The following LSM8 variants were observed in gnomAD, a reference collection of about 807,000 sequenced individuals.
LSM8 encodes LSM8 U6 small nuclear RNA associated.
In LSM8, 14 loss-of-function variants were observed where a neutral mutation model predicts 15.0. The observed-to-expected ratio is 0.93, with a 90% confidence interval of 0.62 to 1.46. LSM8 has a LOEUF of 1.46. LSM8 is among the 40% of genes most tolerant of loss of function. LSM8 has a pLI of 0.00. For synonymous variants in LSM8, 50 were observed against 42.1 expected (o/e 1.19, Z -0.73); for missense variants, 90 against 115.4 (o/e 0.78, Z 1.01).
At chr7:118,184,628 T>G (rs1808854480) in intron 1 of LSM8, 1 of 177,408 alleles carries the variant, frequency 5.6e-6, no homozygotes, top group Non-Finnish European at 1.2e-5. Flanking sequence ...TCTTTGTACT[T>G]GTTTTATTCA....
intron 1 of LSM8, chr7:118,184,492 C>T (rs1212813102): frequency 7.0e-6 from 3 of 425,698 alleles, no homozygotes; most frequent in East Asian, 3.8e-5. Flanking sequence ...TGTGATTATT[C>T]CGAACTTTTC....
At chr7:118,191,190 A>G (rs1391563451) in intron 3 of LSM8, 2 of 152,174 alleles carry the variant, frequency 1.3e-5, no homozygotes, top group Non-Finnish European at 2.9e-5. Context: ...TATTTCATAG[A>G]CATCTTGTGG....
chr7:118,186,726 T>C (rs1808895171), intron 2 of LSM8, among the ~76,000 whole-genome samples: 1 of 152,240 alleles, frequency 6.6e-6, no homozygotes, highest in South Asian at 2.1e-4. Context: ...TTAAATTTGG[T>C]TTGACATCAA....
In LSM8 at chr7:118,193,987, A is replaced by G. The variant is rs970104901; in HGVS notation, c.*1985A>G. Among the ~76,000 whole-genome samples, 1 of 152,112 alleles carries G rather than the reference A, an allele frequency of 6.6e-6. No individual in the cohort carries two copies. Among genetic ancestry groups the G allele is most frequent in the African/African-American group, 2.4e-5 (1 of 41,442 alleles). On this transcript the variant is annotated 3_prime_UTR_variant, in exon 4 of 4. Coordinates refer to ENST00000249299, the MANE Select transcript of LSM8 (RefSeq NM_016200.5). The stretch of plus-strand genomic sequence containing the variant: ...AAAATGTGAATTATTGTTTTTATGA[A>G]TAGTTACAGAGGATGTGATGACAAT...
rs182504156 is a variant in LSM8, at chr7:118,203,971, T to G, written c.*11969T>G. On this transcript the variant is annotated 3_prime_UTR_variant, in exon 4 of 4. Transcript: ENST00000249299. ...TCAGTTCTAACAATGATTTGTAAAT[T>G]TTAATACTATAGATATATTGCTGTT... 1.1e-4 allele frequency among the ~76,000 whole-genome samples: 16 copies of G among 151,894 alleles called. No homozygotes were observed. In the East Asian group the frequency reaches 3.1e-3, roughly 29 times the overall value.
At chr7:118,185,720 T>C in intron 2 of LSM8, 26 bp downstream of exon 2, 1 of 1,597,296 alleles carries the variant, frequency 6.3e-7, no homozygotes, top group Non-Finnish European at 8.6e-7. Context: ...TTTCATTCTC[T>C]GCTTTCCTGT....
intron 1 of LSM8, chr7:118,184,775 A>G (rs1808856947): frequency 6.6e-6 from 1 of 152,350 alleles, no homozygotes; most frequent in African/African-American, 2.4e-5. Context: ...TATAGTGAGG[A>G]GCAAGTAACA....
Position 118,195,871 on chromosome 7 carries a change from C to G in LSM8, c.*3869C>G, listed in dbSNP as rs1024322616. 6.6e-6 allele frequency among the ~76,000 whole-genome samples: 1 copy of G among 151,920 alleles called. No homozygotes were observed. The highest frequency in any genetic ancestry group is 2.4e-5 in the African/African-American group (1 of 41,346). On this transcript the variant is annotated 3_prime_UTR_variant, in exon 4 of 4. Transcript: ENST00000249299. ...AAGCTATCTCCATTTAGATTGATAC[C>G]CATTAAATAGCATAGTGCTCCCATT...
intron 3 of LSM8, chr7:118,190,892 G>A (rs973116015): frequency 2.0e-5 from 3 of 152,128 alleles, no homozygotes; most frequent in African/African-American, 7.2e-5. Flanking sequence ...ATTACCAGAG[G>A]TCAGAGGTTC....
At chr7:118,185,589 C>T (rs1230361960) in intron 1 of LSM8, 65 bp from the exon 2 acceptor site, 4 of 1,372,616 alleles carry the variant, frequency 2.9e-6, no homozygotes, top group Admixed American at 1.7e-5. Context: ...TCAAATCATT[C>T]CCTTGCCAGA....
chr7:118,189,581 T>A (rs980664509), intron 3 of LSM8: 2 of 151,664 alleles, frequency 1.3e-5, no homozygotes. Flanking sequence ...CTAATGTGGT[T>A]CACGTGCCGT....
chr7:118,187,597 T>G (rs1036882612), intron 2 of LSM8, among the ~76,000 whole-genome samples: 2 of 152,252 alleles, frequency 1.3e-5, no homozygotes, highest in African/African-American at 4.8e-5. Flanking sequence ...GATTTGAATC[T>G]GAAAAATGGC....
chr7:118,197,235 C>T lies in LSM8; in HGVS notation c.*5233C>T, dbSNP rs937491422. Among the ~76,000 whole-genome samples the T allele has an allele frequency of 1.3e-5, 2 of 150,286 alleles. No homozygotes were observed. The highest frequency in any genetic ancestry group is 2.9e-5 in the Non-Finnish European group (2 of 67,814). On this transcript the variant is annotated 3_prime_UTR_variant, in exon 4 of 4. Coordinates refer to ENST00000249299, the MANE Select transcript of LSM8 (RefSeq NM_016200.5). ...CCACATATACTGGCTTTACAAATGC[C>T]ATATAATTAGTATGGTACCAAATTG...
chr7:118,191,744 T>G (rs530103712), intron 3 of LSM8, 168 bp from the exon 4 acceptor site: 1 of 562,040 alleles, frequency 1.8e-6, no homozygotes, highest in African/African-American at 1.9e-5. Context: ...TGCAGTTCAC[T>G]GACTCACGCC....
rs1326217277 is a variant in LSM8 at position 118,198,781 on chromosome 7, C to G, written c.*6779C>G. ...TTTTATTGCAAAGAAAGGACCTGTCCTTCACCAGTTCCTGGAAGAAAATCT... is the reference window on the plus strand; with the variant it reads ...TTTTATTGCAAAGAAAGGACCTGTCGTTCACCAGTTCCTGGAAGAAAATCT... On this transcript the variant is annotated 3_prime_UTR_variant, in exon 4 of 4. Coordinates refer to ENST00000249299, the MANE Select transcript of LSM8 (RefSeq NM_016200.5). Among the ~76,000 whole-genome samples, 1 of 152,182 alleles carries G rather than the reference C, an allele frequency of 6.6e-6. No individual in the cohort carries two copies. Among genetic ancestry groups the G allele is most frequent in the Non-Finnish European group, 1.5e-5 (1 of 68,030 alleles).
intron 2 of LSM8, 147 bp from the exon 3 acceptor site, chr7:118,188,131 C>A (rs375209133): frequency 2.4e-6 from 2 of 817,574 alleles, no homozygotes; most frequent in Admixed American, 4.9e-5. Flanking sequence ...CCCTCGAATA[C>A]TGTTGGTTAT....
intron 3 of LSM8, 162 bp downstream of exon 3, chr7:118,188,567 G>T: frequency 3.3e-6 from 2 of 604,118 alleles, no homozygotes; most frequent in African/African-American, 1.9e-5. Flanking sequence ...TGTAAAATAA[G>T]GCATATGTAT....
At position 118,192,111 on chromosome 7, in the gene LSM8, T is replaced by A; in HGVS notation, c.*109T>A. ...GTGTCACTGGATTTTGACTCCTTAT[T>A]GATTCATTGTAATATGTAAATTAAA... On this transcript the variant is annotated 3_prime_UTR_variant, in exon 4 of 4. Coordinates refer to ENST00000249299, the MANE Select transcript of LSM8 (RefSeq NM_016200.5). 1.6e-6 allele frequency: 1 copy of A among 635,758 alleles called. No individual in the cohort carries two copies. The highest frequency in any genetic ancestry group is 3.4e-5 in the South Asian group (1 of 29,128). 39.4% of individuals were successfully genotyped at this position (635,758 alleles called of 1,614,324 possible).
intron 3 of LSM8, chr7:118,189,422 G>A (rs191066478): frequency 0.013 from 1,965 of 152,330 alleles, 21 homozygotes; most frequent in Middle Eastern, 0.024. Context: ...GCGTGGTGGC[G>A]CAAGCCTGTA....
Sources: gnomAD v4.1 joint callset for allele counts (sites outside exome capture counted in the v4.1 genomes callset) on GRCh38, gnomAD v4.1.1 for gene constraint, MANE v1.5 for transcripts, NCBI Gene and HGNC (gene_info 2026-07-23, HGNC 2026-07-21) for gene names.